LSAMP: variants seen among roughly 807,000 people sequenced by gnomAD.
LSAMP encodes limbic system-associated membrane protein.
LSAMP carries 7 observed loss-of-function variants against 38.6 expected under a neutral mutation model. The observed-to-expected ratio is 0.18, with a 90% CI of 0.10 to 0.34. The LOEUF (loss-of-function observed/expected upper bound fraction) is 0.34. LSAMP is among the 10% of genes least tolerant of loss of function. The pLI is 1.00. For synonymous variants in LSAMP, 154 were observed against 166.8 expected (o/e 0.92, Z 0.59); for missense variants, 313 against 420.0 (o/e 0.75, Z 2.23).
chr3:116,250,153 T>C (rs1452063666), intron 1 of LSAMP, among the ~76,000 whole-genome samples: 1 of 152,204 alleles, frequency 6.6e-6, no homozygotes. Context: ...ATGAAGTAAA[T>C]AGCAGAGTGC....
chr3:116,248,415 T>C (rs1366948567), intron 1 of LSAMP, among the ~76,000 whole-genome samples: 1 of 151,640 alleles, frequency 6.6e-6, no homozygotes, highest in East Asian at 1.9e-4. Context: ...GATGGGAGGA[T>C]CACTTGAGCC....
chr3:115,846,705 C>G (rs569949864), intron 4 of LSAMP, among the ~76,000 whole-genome samples: 2 of 152,252 alleles, frequency 1.3e-5, no homozygotes, highest in Admixed American at 1.3e-4. Context: ...CCTCTCTGCT[C>G]TGGTATGTCT....
intron 1 of LSAMP, among the ~76,000 whole-genome samples, chr3:116,195,825 A>G (rs1227066699): frequency 6.6e-6 from 1 of 152,116 alleles, no homozygotes; most frequent in Non-Finnish European, 1.5e-5. Context: ...TACTAACAAT[A>G]TTAGATTGTT....
intron 3 of LSAMP, among the ~76,000 whole-genome samples, chr3:115,877,749 G>T (rs930078771): frequency 6.6e-6 from 1 of 152,024 alleles, no homozygotes; most frequent in Non-Finnish European, 1.5e-5. Flanking sequence ...TTCTAATCAC[G>T]TGGGCATGCT....
intron 1 of LSAMP, among the ~76,000 whole-genome samples, chr3:116,387,846 C>T (rs934212713): frequency 2.6e-5 from 4 of 152,002 alleles, no homozygotes; most frequent in African/African-American, 9.7e-5. Flanking sequence ...GTAATCCCAG[C>T]ACTTTGGGAG....
intron 3 of LSAMP, among the ~76,000 whole-genome samples, chr3:115,902,414 T>A (rs1189842656): frequency 2.0e-5 from 3 of 152,056 alleles, no homozygotes; most frequent in Non-Finnish European, 4.4e-5. Context: ...ACCTATGCAA[T>A]ACCATTCTAG....
intron 1 of LSAMP, among the ~76,000 whole-genome samples, chr3:116,379,715 GA>G (rs1286505823): frequency 6.6e-6 from 1 of 151,910 alleles, no homozygotes; most frequent in African/African-American, 2.4e-5. Flanking sequence ...GACCAGAGGT[GA>G]AAACCATAAG....
chr3:116,174,646 T>A (rs1274295023), intron 1 of LSAMP, among the ~76,000 whole-genome samples: 2 of 151,948 alleles, frequency 1.3e-5, no homozygotes, highest in Non-Finnish European at 2.9e-5. Flanking sequence ...CTAAGCAACT[T>A]ATTACCTCAT....
chr3:116,299,140 G>A (rs566572104), intron 1 of LSAMP, among the ~76,000 whole-genome samples: 6 of 152,240 alleles, frequency 3.9e-5, no homozygotes, highest in Non-Finnish European at 7.4e-5. Flanking sequence ...CCCTTTCAAT[G>A]TCCCTAGACA....
chr3:115,926,534 A>G (rs1433840479), intron 3 of LSAMP, among the ~76,000 whole-genome samples: 1 of 152,210 alleles, frequency 6.6e-6, no homozygotes, highest in Non-Finnish European at 1.5e-5. Context: ...ATGGATGAAC[A>G]TCTGGTGGAG....
intron 3 of LSAMP, among the ~76,000 whole-genome samples, chr3:115,998,136 C>T (rs2107653969): frequency 6.6e-6 from 1 of 151,542 alleles, no homozygotes; most frequent in East Asian, 2.0e-4. Flanking sequence ...CCCTAGTTGA[C>T]AACCACTCAA....
intron 1 of LSAMP, among the ~76,000 whole-genome samples, chr3:116,346,452 C>G (rs2048065288): frequency 6.6e-6 from 1 of 151,968 alleles, no homozygotes. Context: ...CCTCAGTGTC[C>G]ACAGTAGCTG....
chr3:116,206,168 T>C (rs2046066249), intron 1 of LSAMP, among the ~76,000 whole-genome samples: 1 of 147,444 alleles, frequency 6.8e-6, no homozygotes, highest in South Asian at 2.2e-4. Flanking sequence ...CCATTTCTTC[T>C]AGATTTTCTA....
At chr3:115,922,185 C>T (rs1937397891) in intron 3 of LSAMP, among the ~76,000 whole-genome samples, 1 of 152,160 alleles carries the variant, frequency 6.6e-6, no homozygotes, top group South Asian at 2.1e-4. Context: ...TTCCTTCTCT[C>T]CTCCTTCTGG....
chr3:115,956,068 G>T (rs771844616), intron 3 of LSAMP, among the ~76,000 whole-genome samples: 1 of 152,064 alleles, frequency 6.6e-6, no homozygotes, highest in Admixed American at 6.6e-5. Flanking sequence ...AGACGACCAT[G>T]ATTTACCTCT....
intron 1 of LSAMP, among the ~76,000 whole-genome samples, chr3:116,248,533 G>GTGTGTGTA (rs1559798690): frequency 7.3e-6 from 1 of 137,614 alleles, no homozygotes; most frequent in African/African-American, 2.6e-5. Context: ...GTGTGTGTGT[G>GTGTGTGTA]TATCAGACTA....
intron 3 of LSAMP, among the ~76,000 whole-genome samples, chr3:115,986,240 T>C (rs536517975): frequency 2.6e-5 from 4 of 152,232 alleles, no homozygotes; most frequent in African/African-American, 9.6e-5. Context: ...GTAGCTACAA[T>C]TAGTTGGCTG....
chr3:116,428,470 C>G (rs2049234450), intron 1 of LSAMP, among the ~76,000 whole-genome samples: 1 of 152,066 alleles, frequency 6.6e-6, no homozygotes, highest in Non-Finnish European at 1.5e-5. Context: ...ATTTTCTTAA[C>G]TGTTTTTAAG....
intron 1 of LSAMP, among the ~76,000 whole-genome samples, chr3:116,131,039 G>A (rs1030988199): frequency 2.1e-5 from 3 of 144,474 alleles, no homozygotes; most frequent in Non-Finnish European, 4.5e-5. Context: ...CGCCCAGGCT[G>A]GAGTGCAGTG....
Sources: allele counts gnomAD v4.1 joint callset (sites outside exome capture counted in the v4.1 genomes callset), GRCh38; gene constraint gnomAD v4.1.1; transcripts MANE v1.5; gene names NCBI Gene and HGNC (gene_info 2026-07-23, HGNC 2026-07-21).